ADCY1: variants seen among roughly 807,000 people sequenced by gnomAD.
The protein encoded by ADCY1 is adenylate cyclase type 1.
A neutral mutation model predicts 105.4 loss-of-function variants in ADCY1; 28 were observed. That is an observed-to-expected ratio of 0.27 (90% CI 0.20 to 0.36). The LOEUF (loss-of-function observed/expected upper bound fraction) is 0.36. ADCY1 is among the 10% of genes least tolerant of loss of function. The pLI is 1.00. For synonymous variants in ADCY1, 655 were observed against 623.8 expected, an observed-to-expected ratio of 1.05 and a Z score of -0.75; for missense variants, 977 against 1,434.2, an observed-to-expected ratio of 0.68 and a Z score of 5.15.
intron 4 of ADCY1, among the ~76,000 whole-genome samples, chr7:45,644,258 C>T (rs1794600896): frequency 1.3e-5 from 2 of 152,226 alleles, no homozygotes; most frequent in South Asian, 4.1e-4. Context: ...CTGGGCATGT[C>T]AGAGCTCTGG....
intron 19 of ADCY1, among the ~76,000 whole-genome samples, chr7:45,713,221 C>T (rs1356121668): frequency 6.6e-6 from 1 of 152,174 alleles, no homozygotes; most frequent in Non-Finnish European, 1.5e-5. Flanking sequence ...CCCTACTCTT[C>T]TCTGTTCTAG....
At chr7:45,696,865 G>A (rs1784892257) in intron 14 of ADCY1, among the ~76,000 whole-genome samples, 1 of 152,196 alleles carries the variant, frequency 6.6e-6, no homozygotes, top group Non-Finnish European at 1.5e-5. Flanking sequence ...GGGAGGAGAG[G>A]AGAGGAGACT....
chr7:45,606,118 TC>T, intron 2 of ADCY1, among the ~76,000 whole-genome samples: 1 of 152,108 alleles, frequency 6.6e-6, no homozygotes, highest in Non-Finnish European at 1.5e-5. Flanking sequence ...TCCCTCATGG[TC>T]CCCGCTAATA....
chr7:45,709,270 A>G (rs1421713349), intron 18 of ADCY1, among the ~76,000 whole-genome samples: 1 of 152,168 alleles, frequency 6.6e-6, no homozygotes, highest in Non-Finnish European at 1.5e-5. Context: ...CGGCAGAGCT[A>G]CTGATGTGCC....
chr7:45,659,638 CT>C (rs1227096843), intron 6 of ADCY1, among the ~76,000 whole-genome samples: 1 of 152,224 alleles, frequency 6.6e-6, no homozygotes, highest in Admixed American at 6.5e-5. Flanking sequence ...CTGCCCACTC[CT>C]TGTGCTGACC....
At chr7:45,711,888 AT>A (rs1329665510) in intron 19 of ADCY1, among the ~76,000 whole-genome samples, 9 of 68,002 alleles carry the variant, frequency 1.3e-4, no homozygotes, top group South Asian at 3.3e-4. Flanking sequence ...ATATAAATAT[AT>A]TTATATATTA....
At chr7:45,643,478 T>C (rs1190033075) in intron 4 of ADCY1, among the ~76,000 whole-genome samples, 1 of 152,116 alleles carries the variant, frequency 6.6e-6, no homozygotes, top group East Asian at 1.9e-4. Flanking sequence ...TGAATGCAAT[T>C]GGAGATTTCT....
intron 8 of ADCY1, among the ~76,000 whole-genome samples, chr7:45,665,026 C>G (rs139321097): frequency 6.6e-6 from 1 of 152,048 alleles, no homozygotes; most frequent in African/African-American, 2.4e-5. Context: ...TGAGAACATG[C>G]GGTGTTTGGT....
chr7:45,637,966 CTT>C (rs1163664131), intron 4 of ADCY1, among the ~76,000 whole-genome samples: 2 of 152,158 alleles, frequency 1.3e-5, no homozygotes, highest in South Asian at 4.1e-4. Flanking sequence ...CATCAACTGT[CTT>C]TCTTTGTTTG....
intron 11 of ADCY1, among the ~76,000 whole-genome samples, chr7:45,681,876 G>A (rs560705498): frequency 1.3e-5 from 2 of 152,150 alleles, no homozygotes; most frequent in African/African-American, 4.8e-5. Flanking sequence ...TCCTTGAGAA[G>A]GCCGGGTAGA....
At chr7:45,633,146 G>A (rs928494399) in intron 4 of ADCY1, among the ~76,000 whole-genome samples, 1 of 152,164 alleles carries the variant, frequency 6.6e-6, no homozygotes, top group Non-Finnish European at 1.5e-5. Flanking sequence ...TTGAACTCCT[G>A]GCCTCAAGTG....
chr7:45,631,121 G>GA (rs1439866939), intron 4 of ADCY1, among the ~76,000 whole-genome samples: 1 of 152,196 alleles, frequency 6.6e-6, no homozygotes, highest in East Asian at 1.9e-4. Flanking sequence ...TTGTTACCAG[G>GA]AAAGCTGTGA....
At chr7:45,625,349 A>G (rs1267465619) in intron 4 of ADCY1, among the ~76,000 whole-genome samples, 1 of 152,260 alleles carries the variant, frequency 6.6e-6, no homozygotes, top group Non-Finnish European at 1.5e-5. Flanking sequence ...ATCAAGAAGA[A>G]TGCACACACG....
At chr7:45,665,794 G>A (rs993390282) in intron 8 of ADCY1, among the ~76,000 whole-genome samples, 3 of 152,164 alleles carry the variant, frequency 2.0e-5, no homozygotes, top group Non-Finnish European at 4.4e-5. Flanking sequence ...AGGGAGGGAG[G>A]GATGTGACTT....
At chr7:45,698,874 T>A (rs1784935350) in intron 14 of ADCY1, among the ~76,000 whole-genome samples, 1 of 152,158 alleles carries the variant, frequency 6.6e-6, no homozygotes, top group Non-Finnish European at 1.5e-5. Context: ...GAACACAGAG[T>A]AGGAGCTGGC....
chr7:45,585,111 C>T (rs986626470), intron 1 of ADCY1, among the ~76,000 whole-genome samples: 2 of 152,244 alleles, frequency 1.3e-5, no homozygotes, highest in Admixed American at 1.3e-4. Context: ...CTTCATTCCC[C>T]TATGAGAGGA....
chr7:45,574,513 C>G lies in ADCY1; in HGVS notation c.-31C>G, dbSNP rs1792258833. ...GCGCCCCGGGCCGGCGAGGGGCGCG[C>G]CCGCGGCCGCGGCCGCTGCATGGCG... On this transcript the variant is annotated 5_prime_UTR_variant, in exon 1 of 20. Transcript: ENST00000297323. This position sits in a 1 kb window ranked among gnomAD's most constrained non-coding sequence, Gnocchi z 7.0. 1 of 973,348 alleles carries G rather than the reference C, an allele frequency of 1.0e-6. No homozygotes were observed. The highest frequency in any genetic ancestry group is 4.7e-5 in the South Asian group (1 of 21,116). The allele number at this position is 973,348 out of a possible 1,614,324, so 60.3% of individuals were successfully genotyped here.
chr7:45,606,733 A>G (rs1202685950), intron 2 of ADCY1, among the ~76,000 whole-genome samples: 1 of 152,212 alleles, frequency 6.6e-6, no homozygotes, highest in Non-Finnish European at 1.5e-5. Flanking sequence ...TTTTTTTAAG[A>G]GTACATTTAA....
rs960397357 is a variant in ADCY1 at position 45,716,261 on chromosome 7, C to T, written c.*2266C>T. The T allele has an allele frequency of 5.2e-5, 8 of 152,536 alleles. No individual in the cohort carries two copies. The highest frequency in any genetic ancestry group is 1.9e-4 in the African/African-American group (8 of 41,468). The allele number at this position is 152,536 out of a possible 1,614,324, so 9.4% of individuals were successfully genotyped here. ...GCCATCGAGGGCTCCTGAGCTCATC[C>T]TGAGGACCCAGGGTCCATCTGAGCT... On this transcript the variant is annotated 3_prime_UTR_variant, in exon 20 of 20. Transcript: ENST00000297323.
Sources: gnomAD v4.1 joint callset for allele counts (sites outside exome capture counted in the v4.1 genomes callset) on GRCh38, gnomAD v4.1.1 for gene constraint, Gnocchi (gnomAD v3.1) non-coding constraint, MANE v1.5 for transcripts, NCBI Gene and HGNC (gene_info 2026-07-23, HGNC 2026-07-21) for gene names.